PTPRD: variants seen among roughly 807,000 people sequenced by gnomAD.
PTPRD encodes the protein receptor-type tyrosine-protein phosphatase delta.
Under a neutral mutation model 214.5 loss-of-function variants are expected in PTPRD, and 34 were observed. That is an observed-to-expected ratio of 0.16 (90% CI 0.12 to 0.21). The LOEUF (loss-of-function observed/expected upper bound fraction) is 0.21. PTPRD is among the 10% of genes least tolerant of loss of function. The pLI, the probability that PTPRD is intolerant of heterozygous loss-of-function variation, is 1.00. For synonymous variants in PTPRD, 1,128 were observed against 845.7 expected (o/e 1.33, Z -5.79); for missense variants, 2,545 against 2,398.7 (o/e 1.06, Z -1.27).
chr9:10,288,969 G>A (rs2095446749), intron 3 of PTPRD, among the ~76,000 whole-genome samples: 1 of 151,226 alleles, frequency 6.6e-6, no homozygotes, highest in African/African-American at 2.4e-5. Context: ...GGGAGTATAA[G>A]ATGTAGAATA....
At chr9:8,881,188 G>A (rs776929166) in intron 11 of PTPRD, among the ~76,000 whole-genome samples, 2 of 152,062 alleles carry the variant, frequency 1.3e-5, no homozygotes, top group Non-Finnish European at 2.9e-5. Context: ...GGATACAATG[G>A]GAAAGAAATC....
At chr9:9,083,849 C>T (rs113548695) in intron 10 of PTPRD, among the ~76,000 whole-genome samples, 11 of 152,156 alleles carry the variant, frequency 7.2e-5, no homozygotes, top group Admixed American at 2.6e-4. Flanking sequence ...AAAACCACAA[C>T]AAGACACCAT....
At chr9:9,559,360 A>G (rs1332883590) in intron 8 of PTPRD, among the ~76,000 whole-genome samples, 1 of 152,230 alleles carries the variant, frequency 6.6e-6, no homozygotes, top group Non-Finnish European at 1.5e-5. Context: ...ATTAATGAAC[A>G]CTGGCACTTA....
intron 8 of PTPRD, among the ~76,000 whole-genome samples, chr9:9,400,443 C>T (rs1275911775): frequency 8.8e-5 from 3 of 34,168 alleles, no homozygotes; most frequent in South Asian, 7.8e-4. Context: ...AATCAAAATC[C>T]GTCCTTCTAA....
At chr9:10,430,173 G>T (rs1588035081) in intron 2 of PTPRD, among the ~76,000 whole-genome samples, 1 of 151,746 alleles carries the variant, frequency 6.6e-6, no homozygotes, top group Non-Finnish European at 1.5e-5. Flanking sequence ...TTTGATTTAT[G>T]GTTCAGACTA....
At chr9:9,411,944 A>C (rs985245326) in intron 8 of PTPRD, among the ~76,000 whole-genome samples, 1 of 152,236 alleles carries the variant, frequency 6.6e-6, no homozygotes, top group African/African-American at 2.4e-5. Context: ...GTCATTTTAC[A>C]AGTGAAGAAA....
intron 14 of PTPRD, among the ~76,000 whole-genome samples, chr9:8,536,133 T>A (rs1437056371): frequency 6.6e-6 from 1 of 151,904 alleles, no homozygotes; most frequent in African/African-American, 2.4e-5. Flanking sequence ...TAGTAAAAAA[T>A]TAAAGAAAGT....
intron 2 of PTPRD, among the ~76,000 whole-genome samples, chr9:10,377,915 G>T (rs1412278544): frequency 6.6e-6 from 1 of 152,026 alleles, no homozygotes. Flanking sequence ...TTTCTTTTGG[G>T]TGTATATGTG....
At chr9:10,482,122 A>T (rs577554658) in intron 2 of PTPRD, among the ~76,000 whole-genome samples, 186 of 152,288 alleles carry the variant, frequency 1.2e-3, no homozygotes, top group Admixed American at 2.5e-3. Context: ...CTGTAATCCC[A>T]GCATTTTGGG....
At chr9:9,172,975 CCTCA>C (rs989084572) in intron 10 of PTPRD, among the ~76,000 whole-genome samples, 9 of 152,112 alleles carry the variant, frequency 5.9e-5, no homozygotes, top group African/African-American at 2.2e-4. Flanking sequence ...TGAGAGATCA[CCTCA>C]CTCAGAATGA....
At chr9:9,659,297 T>A (rs2096578400) in intron 7 of PTPRD, among the ~76,000 whole-genome samples, 1 of 152,114 alleles carries the variant, frequency 6.6e-6, no homozygotes, top group African/African-American at 2.4e-5. Context: ...CACAGGCAGT[T>A]GTTTTATATG....
chr9:8,733,885 C>G lies in PTPRD; in HGVS notation c.-42G>C. Reference sequence around the variant, plus strand: ...AGCGTGCGCGAGCAGCTTGGAATCACTGCCTCCGGAGCCGCAGCGAGTCTG... The same window carrying G: ...AGCGTGCGCGAGCAGCTTGGAATCAGTGCCTCCGGAGCCGCAGCGAGTCTG... On this transcript the variant is annotated 5_prime_UTR_variant, in exon 12 of 46. Coordinates refer to ENST00000381196, the MANE Select transcript of PTPRD (RefSeq NM_002839.4). The G allele has an allele frequency of 2.6e-6, 4 of 1,543,686 alleles. No homozygotes were observed. The highest frequency in any genetic ancestry group is 3.5e-6 in the Non-Finnish European group (4 of 1,143,234).
intron 7 of PTPRD, among the ~76,000 whole-genome samples, chr9:9,708,127 G>C (rs772701364): frequency 6.6e-6 from 1 of 152,058 alleles, no homozygotes; most frequent in Non-Finnish European, 1.5e-5. Context: ...CGTTGATTTA[G>C]TTCTATAGTT....
chr9:9,401,669 AC>A (rs1440178776), intron 8 of PTPRD, among the ~76,000 whole-genome samples: 3 of 151,464 alleles, frequency 2.0e-5, no homozygotes, highest in Non-Finnish European at 4.4e-5. Context: ...TTTTCTACGT[AC>A]CCACCGGAAT....
intron 5 of PTPRD, among the ~76,000 whole-genome samples, chr9:9,896,689 A>G (rs528420402): frequency 2.6e-5 from 4 of 152,092 alleles, no homozygotes; most frequent in Non-Finnish European, 5.9e-5. Flanking sequence ...CATGGATTAC[A>G]AAAGAATACT....
At chr9:9,988,643 G>C (rs1473411352) in intron 4 of PTPRD, among the ~76,000 whole-genome samples, 1 of 151,864 alleles carries the variant, frequency 6.6e-6, no homozygotes, top group African/African-American at 2.4e-5. Flanking sequence ...CCCAAATAAT[G>C]TCAGTTCTTT....
chr9:8,506,655 T>G (rs72694752), intron 22 of PTPRD, among the ~76,000 whole-genome samples: 312 of 150,964 alleles, frequency 2.1e-3, no homozygotes, highest in Non-Finnish European at 3.8e-3. Flanking sequence ...AAAAATTACA[T>G]GCATTATTGA....
At chr9:10,531,811 G>A (rs561718801) in intron 2 of PTPRD, among the ~76,000 whole-genome samples, 5 of 152,076 alleles carry the variant, frequency 3.3e-5, no homozygotes, top group African/African-American at 7.2e-5. Context: ...ATTTTCTGAT[G>A]TATCAATGGT....
At chr9:8,342,064 C>G (rs1035624914) in intron 39 of PTPRD, 86 bp from the exon 40 acceptor site, 5 of 1,316,704 alleles carry the variant, frequency 3.8e-6, no homozygotes, top group Non-Finnish European at 5.0e-6. Flanking sequence ...TTCTTATTAA[C>G]TAGACCTTAC....
Sources: gnomAD v4.1 joint callset for allele counts (sites outside exome capture counted in the v4.1 genomes callset) on GRCh38, gnomAD v4.1.1 for gene constraint, MANE v1.5 for transcripts, NCBI Gene and HGNC (gene_info 2026-07-23, HGNC 2026-07-21) for gene names.